The following ITGB5 variants were observed in gnomAD, a reference collection of about 807,000 sequenced individuals.
ITGB5 encodes integrin beta-5.
A neutral mutation model predicts 84.8 loss-of-function variants in ITGB5; 38 were observed. The observed-to-expected ratio is 0.45, with a 90% confidence interval of 0.35 to 0.59. ITGB5 has a LOEUF of 0.59. ITGB5 is among the 20% of genes least tolerant of loss of function. ITGB5 has a pLI of 0.01. For missense variants in ITGB5, 905 were observed against 1,034.5 expected (o/e 0.87, Z 1.72); for synonymous variants, 393 against 414.4 (o/e 0.95, Z 0.63).
chr3:124,852,125 G>A (rs548589431), intron 3 of ITGB5, among the ~76,000 whole-genome samples: 3 of 152,092 alleles, frequency 2.0e-5, no homozygotes, highest in African/African-American at 4.8e-5. Context: ...TAAGCCAATC[G>A]CCACCTCCCG....
chr3:124,864,324 T>C (rs977268371), intron 2 of ITGB5, among the ~76,000 whole-genome samples: 1 of 151,856 alleles, frequency 6.6e-6, no homozygotes, highest in Non-Finnish European at 1.5e-5. Flanking sequence ...GCTAGAATAG[T>C]CTCGATCTCC....
chr3:124,771,042 A>G (rs1216633814), intron 11 of ITGB5, among the ~76,000 whole-genome samples: 2 of 152,218 alleles, frequency 1.3e-5, no homozygotes, highest in Non-Finnish European at 2.9e-5. Context: ...ACACTCCCTA[A>G]GTATCCATGT....
intron 10 of ITGB5, chr3:124,792,238 T>C (rs1398271643): frequency 6.6e-6 from 1 of 152,006 alleles, no homozygotes; most frequent in South Asian, 2.1e-4. Flanking sequence ...GGATATAATA[T>C]TATAGGAAAA....
intron 10 of ITGB5, among the ~76,000 whole-genome samples, chr3:124,785,820 G>A (rs1048842149): frequency 1.3e-5 from 2 of 152,042 alleles, no homozygotes; most frequent in Admixed American, 6.6e-5. Context: ...TAGGAAAACG[G>A]GCTAAATATT....
intron 10 of ITGB5, among the ~76,000 whole-genome samples, chr3:124,774,892 T>G (rs2063901655): frequency 6.6e-6 from 1 of 152,146 alleles, no homozygotes; most frequent in Non-Finnish European, 1.5e-5. Context: ...GCAGGCATTA[T>G]TGTCCTTGTT....
chr3:124,872,738 C>T (rs1037790495), intron 2 of ITGB5, among the ~76,000 whole-genome samples: 5 of 152,022 alleles, frequency 3.3e-5, no homozygotes, highest in Admixed American at 6.6e-5. Flanking sequence ...ATTTCCTTCC[C>T]TCCTTCCTTC....
intron 13 of ITGB5, among the ~76,000 whole-genome samples, chr3:124,766,022 T>G (rs555837641): frequency 6.8e-6 from 1 of 146,986 alleles, no homozygotes; most frequent in East Asian, 2.0e-4. Flanking sequence ...ATGGCACCAC[T>G]GCACTCTAGC....
intron 1 of ITGB5, among the ~76,000 whole-genome samples, chr3:124,881,639 G>A (rs951858458): frequency 6.6e-6 from 1 of 152,062 alleles, no homozygotes; most frequent in Non-Finnish European, 1.5e-5. Flanking sequence ...ACAACTCAGG[G>A]AGTAGACCAA....
intron 1 of ITGB5, among the ~76,000 whole-genome samples, chr3:124,883,240 A>ATGG (rs1934658366): frequency 6.6e-6 from 1 of 152,202 alleles, no homozygotes; most frequent in East Asian, 1.9e-4. Context: ...AAAAGTAGTT[A>ATGG]CCAGGCCACG....
intron 10 of ITGB5, among the ~76,000 whole-genome samples, chr3:124,790,819 G>C (rs1298862171): frequency 6.6e-6 from 1 of 152,060 alleles, no homozygotes; most frequent in Non-Finnish European, 1.5e-5. Context: ...ATAAAGGTGA[G>C]ACGTATACAT....
At chr3:124,803,473 G>A (rs1453451914) in intron 9 of ITGB5, among the ~76,000 whole-genome samples, 6 of 152,176 alleles carry the variant, frequency 3.9e-5, no homozygotes, top group African/African-American at 1.2e-4. Context: ...TAAGGGGCAC[G>A]TTGGACACGG....
At chr3:124,807,598 C>G (rs1488975455) in intron 9 of ITGB5, among the ~76,000 whole-genome samples, 1 of 152,082 alleles carries the variant, frequency 6.6e-6, no homozygotes, top group Admixed American at 6.6e-5. Flanking sequence ...ATATTTTGAA[C>G]TGTCCCTTTA....
intron 5 of ITGB5, among the ~76,000 whole-genome samples, chr3:124,833,539 C>T (rs1217197557): frequency 6.6e-6 from 1 of 152,202 alleles, no homozygotes; most frequent in Non-Finnish European, 1.5e-5. Flanking sequence ...CCAATAAATG[C>T]TTTCTGAATG....
intron 11 of ITGB5, among the ~76,000 whole-genome samples, chr3:124,770,394 C>A (rs74438245): frequency 0.053 from 8,019 of 152,134 alleles, 450 homozygotes; most frequent in African/African-American, 0.13. Context: ...CCGCTGTGCC[C>A]CCACAGGCCT....
At chr3:124,858,094 A>C (rs2065244111) in intron 3 of ITGB5, among the ~76,000 whole-genome samples, 1 of 150,000 alleles carries the variant, frequency 6.7e-6, no homozygotes, top group Non-Finnish European at 1.5e-5. Context: ...AGACTGTGCC[A>C]TTGCACTCCA....
intron 5 of ITGB5, among the ~76,000 whole-genome samples, chr3:124,837,313 A>C (rs1218408611): frequency 6.6e-6 from 1 of 152,224 alleles, no homozygotes; most frequent in East Asian, 1.9e-4. Flanking sequence ...CTTAGAGTCA[A>C]CTTCTAGAAG....
At chr3:124,803,533 T>G (rs969979748) in intron 9 of ITGB5, among the ~76,000 whole-genome samples, 2 of 152,180 alleles carry the variant, frequency 1.3e-5, no homozygotes, top group African/African-American at 4.8e-5. Flanking sequence ...TGCTCTGTAA[T>G]GGGGAGGCAG....
At chr3:124,813,580 G>C (rs932949376) in intron 8 of ITGB5, among the ~76,000 whole-genome samples, 4 of 152,162 alleles carry the variant, frequency 2.6e-5, no homozygotes, top group African/African-American at 9.7e-5. Flanking sequence ...ACAGAACTCA[G>C]GGACACAGTT....
intron 10 of ITGB5, among the ~76,000 whole-genome samples, chr3:124,784,845 C>T (rs907732561): frequency 6.6e-6 from 1 of 152,218 alleles, no homozygotes; most frequent in Non-Finnish European, 1.5e-5. Flanking sequence ...TCTTGGTCAC[C>T]GCAACAGGAT....
Sources: allele counts gnomAD v4.1 joint callset (sites outside exome capture counted in the v4.1 genomes callset), GRCh38; gene constraint gnomAD v4.1.1; transcripts MANE v1.5; gene names NCBI Gene and HGNC (gene_info 2026-07-23, HGNC 2026-07-21).